HERC4: variants seen among roughly 807,000 people sequenced by gnomAD.
HERC4 encodes HECT and RLD domain containing E3 ubiquitin protein ligase 4.
In HERC4, 28 loss-of-function variants were observed where a neutral mutation model predicts 124.3. That is an observed-to-expected ratio of 0.23 (90% CI 0.17 to 0.31). The LOEUF (loss-of-function observed/expected upper bound fraction) is 0.31, where lower values mean the gene tolerates loss of function less well. HERC4 is among the 10% of genes least tolerant of loss of function. The probability of loss-of-function intolerance (pLI) is 1.00; values close to 1 mark genes in which losing one functional copy is unlikely to be tolerated. For missense variants in HERC4, 713 were observed against 1,229.3 expected, an observed-to-expected ratio of 0.58 and a Z score of 6.28; for synonymous variants, 407 against 421.5, an observed-to-expected ratio of 0.97 and a Z score of 0.42.
chr10:68,015,096 A>C (rs2038182280), intron 8 of HERC4, among the ~76,000 whole-genome samples: 1 of 152,160 alleles, frequency 6.6e-6, no homozygotes, highest in African/African-American at 2.4e-5. Flanking sequence ...TCCAAGTCCT[A>C]ATCTATAGCT....
intron 9 of HERC4, among the ~76,000 whole-genome samples, chr10:67,996,407 A>G (rs2036886015): frequency 6.6e-6 from 1 of 152,166 alleles, no homozygotes; most frequent in African/African-American, 2.4e-5. Flanking sequence ...ACAATTCTGT[A>G]AATTGTAATT....
chr10:67,926,189 G>A (rs1464005304), intron 23 of HERC4, among the ~76,000 whole-genome samples: 1 of 152,188 alleles, frequency 6.6e-6, no homozygotes, highest in Non-Finnish European at 1.5e-5. Context: ...GAGGTCAGGA[G>A]TTCCAGACCA....
At chr10:67,959,231 T>C in intron 16 of HERC4, 1 of 1,179,112 alleles carries the variant, frequency 8.5e-7, no homozygotes, top group Non-Finnish European at 1.2e-6. Flanking sequence ...TTTCATATAT[T>C]TTGCTACAGC....
rs545401871 is a variant in HERC4 at position 68,058,714 on chromosome 10, G to A, written c.227-14151C>T. On this transcript the variant is annotated intron_variant, in intron 3 of 24. Coordinates refer to ENST00000373700, the MANE Select transcript of HERC4 (RefSeq NM_015601.4). ...AGTAATTCTCCTGCAGCTACTCTAG[G>A]AGTTTGGCATGATTATCCTAATTTT... Among the ~76,000 whole-genome samples, 6 of 152,032 alleles carry A rather than the reference G, an allele frequency of 3.9e-5. No individual in the cohort carries two copies. In the South Asian group the frequency reaches 1.0e-3, roughly 26 times the overall value.
chr10:67,999,054 A>G (rs751096067), intron 9 of HERC4, among the ~76,000 whole-genome samples: 2 of 152,196 alleles, frequency 1.3e-5, no homozygotes, highest in Non-Finnish European at 2.9e-5. Flanking sequence ...ATAAAAATAA[A>G]ATAAAAAATA....
At chr10:68,004,428 G>C (rs536744883) in intron 9 of HERC4, among the ~76,000 whole-genome samples, 59 of 152,146 alleles carry the variant, frequency 3.9e-4, no homozygotes, top group African/African-American at 1.3e-3. Context: ...CTTTTGCTTT[G>C]GTTGCCTGTG....
chr10:68,014,264 CAA>C, intron 8 of HERC4, 78 bp from the exon 9 acceptor site: 4 of 1,263,202 alleles, frequency 3.2e-6, no homozygotes, highest in Non-Finnish European at 3.2e-6. Flanking sequence ...GAGAAAATAT[CAA>C]AAGAGGTAAT....
At chr10:67,987,379 A>G (rs2036321358) in intron 15 of HERC4, among the ~76,000 whole-genome samples, 1 of 152,226 alleles carries the variant, frequency 6.6e-6, no homozygotes, top group Non-Finnish European at 1.5e-5. Context: ...AAAGCACAGA[A>G]TGAGTAATTA....
intron 22 of HERC4, 31 bp downstream of exon 22, chr10:67,936,122 A>G: frequency 2.2e-6 from 3 of 1,380,400 alleles, no homozygotes; most frequent in Non-Finnish European, 3.0e-6. Flanking sequence ...GAATCTTATT[A>G]CTCCCACTGT....
At chr10:68,059,473 T>TTATAATAATATTATATATTATAACATTA (rs2133708979) in intron 3 of HERC4, among the ~76,000 whole-genome samples, 2 of 131,602 alleles carry the variant, frequency 1.5e-5, no homozygotes, top group African/African-American at 5.7e-5. Context: ...ATATTATATA[T>TTATAATAATATTATATATTATAACATTA]TATAATATTA....
chr10:68,061,879 TAAAAAAAAAAAAAAAAA>T (rs71470503), intron 3 of HERC4, among the ~76,000 whole-genome samples: 6 of 54,888 alleles, frequency 1.1e-4, no homozygotes, highest in South Asian at 1.1e-3. Flanking sequence ...AGACTCCATT[TAAAAAAAAAAAAAAAAA>T]AAAAAAAAAA....
chr10:67,977,302 A>T (rs547643513), intron 15 of HERC4, among the ~76,000 whole-genome samples: 1 of 152,150 alleles, frequency 6.6e-6, no homozygotes, highest in Non-Finnish European at 1.5e-5. Flanking sequence ...TTCTAGATAC[A>T]CAGTGGCCAG....
chr10:68,014,159 T>G lies in HERC4; in HGVS notation c.936A>C (p.Ser312=). ...GCCCAAAAGAGTAAATTCGTCCTGATGAAGGAACAAAAGCAGAAGTGTGCT... is the reference window on the plus strand; with the variant it reads ...GCCCAAAAGAGTAAATTCGTCCTGAGGAAGGAACAAAAGCAGAAGTGTGCT... ...GRQHTSAFVP[S]SGRIYSFGLG... is the part of the protein sequence containing the mutation. The change falls in exon 9 of 25, where the codon TCA becomes TCC. Residue 312 remains serine, a synonymous_variant. Coordinates refer to ENST00000373700, the MANE Select transcript of HERC4 (RefSeq NM_015601.4). 6.2e-7 allele frequency: 1 copy of G among 1,612,314 alleles called. No homozygotes were observed.
At chr10:68,047,177 C>T (rs2040055037) in intron 3 of HERC4, among the ~76,000 whole-genome samples, 1 of 144,976 alleles carries the variant, frequency 6.9e-6, no homozygotes, top group Admixed American at 6.9e-5. Context: ...AATAACATCC[C>T]CAGTTTTTAT....
At chr10:67,938,675 G>C (rs1421762011) in intron 21 of HERC4, among the ~76,000 whole-genome samples, 1 of 152,152 alleles carries the variant, frequency 6.6e-6, no homozygotes, top group African/African-American at 2.4e-5. Flanking sequence ...GCCAGGTGCA[G>C]TGGCTCATGC....
At chr10:68,008,655 A>T (rs2037737549) in intron 9 of HERC4, among the ~76,000 whole-genome samples, 1 of 152,224 alleles carries the variant, frequency 6.6e-6, no homozygotes, top group African/African-American at 2.4e-5. Context: ...CTTAAAAAAT[A>T]GAAAATAATT....
chr10:67,947,896 G>A (rs1589154851), intron 19 of HERC4, among the ~76,000 whole-genome samples: 1 of 119,254 alleles, frequency 8.4e-6, no homozygotes, highest in South Asian at 2.6e-4. Context: ...TCACCATGTT[G>A]GCCAGGCTGG....
At chr10:67,952,715 G>A (rs1301854779) in intron 19 of HERC4, among the ~76,000 whole-genome samples, 2 of 151,846 alleles carry the variant, frequency 1.3e-5, no homozygotes, top group South Asian at 2.1e-4. Context: ...TGGCTAACAC[G>A]GTGAAACCCC....
At chr10:67,973,678 A>G (rs1178336918) in intron 15 of HERC4, among the ~76,000 whole-genome samples, 1 of 152,226 alleles carries the variant, frequency 6.6e-6, no homozygotes, top group African/African-American at 2.4e-5. Context: ...TTCAGAGGTC[A>G]TGGCAGCTAA....
Sources: allele counts gnomAD v4.1 joint callset (sites outside exome capture counted in the v4.1 genomes callset), GRCh38; gene constraint gnomAD v4.1.1; transcripts MANE v1.5; gene names NCBI Gene and HGNC (gene_info 2026-07-23, HGNC 2026-07-21).